Variants in SERPINB6 observed in about 807,000 individuals in gnomAD.
SERPINB6 encodes the protein serpin family B member 6, also known as serpin B6.
A neutral mutation model predicts 26.1 loss-of-function variants in SERPINB6; 16 were observed. That is an observed-to-expected ratio of 0.61 (90% CI 0.42 to 0.93). The LOEUF (loss-of-function observed/expected upper bound fraction) is 0.93, where lower values mean the gene tolerates loss of function less well. SERPINB6 is among the 40% of genes least tolerant of loss of function. SERPINB6 has a pLI of 0.00. For synonymous variants in SERPINB6, 174 were observed against 176.6 expected, an observed-to-expected ratio of 0.99 and a Z score of 0.11; for missense variants, 420 against 478.0, an observed-to-expected ratio of 0.88 and a Z score of 1.13.
intron 1 of SERPINB6, chr6:2,966,391 C>T: frequency 1.0e-6 from 1 of 987,144 alleles, no homozygotes; most frequent in Non-Finnish European, 1.2e-6. Context: ...TCCCTCCAAA[C>T]ACACTTACTT....
chr6:2,962,044 G>A (rs1232941482), intron 1 of SERPINB6: 1 of 985,238 alleles, frequency 1.0e-6, no homozygotes, highest in African/African-American at 1.7e-5. Context: ...TAATTCAAAT[G>A]GAAATGTCCA....
At chr6:2,970,871 T>C in intron 1 of SERPINB6, 4 of 1,231,326 alleles carry the variant, frequency 3.2e-6, no homozygotes, top group Non-Finnish European at 4.0e-6. Flanking sequence ...AGATCCGGGC[T>C]GGTCCACACG....
Position 2,953,078 on chromosome 6 carries a change from T to C in SERPINB6, c.539A>G (p.Glu180Gly). The C allele has an allele frequency of 2.5e-6, 4 of 1,614,258 alleles. No individual in the cohort carries two copies. Among genetic ancestry groups the C allele is most frequent in the Non-Finnish European group, 3.4e-6 (4 of 1,180,042 alleles). The change falls in exon 5 of 7, where the codon GAG becomes GGG. Residue 180 changes from glutamate to glycine, a missense_variant. Transcript: ENST00000380539. ...RGNWDEQFDKENTEERLFKVS... is the reference protein window; with the variant it reads ...RGNWDEQFDKGNTEERLFKVS... The stretch of plus-strand genomic sequence containing the variant: ...TTTAAACAGTCTCTCCTCGGTGTTC[T>C]CCTTGTCAAACTGTTCATCCCAGTT...
intron 1 of SERPINB6, among the ~76,000 whole-genome samples, chr6:2,965,400 T>C (rs1485591356): frequency 1.3e-5 from 2 of 151,474 alleles, no homozygotes; most frequent in Non-Finnish European, 2.9e-5. Flanking sequence ...ATGGCCAATT[T>C]ATAGTTTGGC....
At chr6:2,951,608 T>G (rs1769821326) in intron 5 of SERPINB6, among the ~76,000 whole-genome samples, 1 of 152,086 alleles carries the variant, frequency 6.6e-6, no homozygotes, top group African/African-American at 2.4e-5. Flanking sequence ...CACAATTATA[T>G]AGACAAGTTC....
chr6:2,965,182 T>C (rs1000002890), intron 1 of SERPINB6, among the ~76,000 whole-genome samples: 2 of 152,250 alleles, frequency 1.3e-5, no homozygotes, highest in Non-Finnish European at 2.9e-5. Flanking sequence ...CTTAGTTTTC[T>C]ATGTACTATG....
chr6:2,955,291 G>A (rs907795687), intron 3 of SERPINB6: 2 of 566,590 alleles, frequency 3.5e-6, no homozygotes, highest in Non-Finnish European at 6.3e-6. Flanking sequence ...TAAGGGAGCA[G>A]CCATGCATCA....
intron 5 of SERPINB6, among the ~76,000 whole-genome samples, chr6:2,949,688 G>C (rs1769560048): frequency 6.6e-6 from 1 of 152,216 alleles, no homozygotes; most frequent in Non-Finnish European, 1.5e-5. Context: ...ATATGATTGT[G>C]ATTGTTCCCA....
chr6:2,955,064 C>T, intron 3 of SERPINB6: 1 of 294,002 alleles, frequency 3.4e-6, no homozygotes, highest in Admixed American at 4.9e-5. Flanking sequence ...GTGGCATGCA[C>T]CTGTAATCCC....
chr6:2,970,668 G>A (rs933618346), intron 1 of SERPINB6: 2 of 1,189,756 alleles, frequency 1.7e-6, no homozygotes, highest in Non-Finnish European at 2.1e-6. Context: ...CTGACAGCAT[G>A]TGAACATTAA....
intron 1 of SERPINB6, chr6:2,971,280 G>T: frequency 2.8e-6 from 2 of 726,200 alleles, no homozygotes; most frequent in African/African-American, 1.9e-5. Flanking sequence ...CCGCTGCGAG[G>T]CTCCGGAAGG....
At chr6:2,950,287 T>C (rs1252663369) in intron 5 of SERPINB6, among the ~76,000 whole-genome samples, 1 of 151,914 alleles carries the variant, frequency 6.6e-6, no homozygotes, top group East Asian at 1.9e-4. Context: ...AATCCCACCA[T>C]TTTGGGAGGC....
chr6:2,955,380 A>T (rs1290374497), intron 3 of SERPINB6, 144 bp downstream of exon 3: 7 of 927,634 alleles, frequency 7.5e-6, no homozygotes, highest in Admixed American at 2.1e-5. Flanking sequence ...CAGAGAATTT[A>T]AAACATATTG....
In SERPINB6 at chr6:2,952,407, G is replaced by A. The variant is rs1769915728; in HGVS notation, c.573+637C>T. Among the ~76,000 whole-genome samples the A allele has an allele frequency of 2.6e-5, 4 of 152,156 alleles. No individual in the cohort carries two copies. In the South Asian group the frequency reaches 6.2e-4, roughly 24 times the overall value. On this transcript the variant is annotated intron_variant, in intron 5 of 6. Coordinates refer to ENST00000380539, the MANE Select transcript of SERPINB6 (RefSeq NM_004568.6). ...CTATAGTTAAAGAAAAACAAAACAA[G>A]AGACAATAAAGAAGATTCAGTGAGA...
At chr6:2,954,861 C>A in intron 3 of SERPINB6, 152 bp from the exon 4 acceptor site, 1 of 655,182 alleles carries the variant, frequency 1.5e-6, no homozygotes, top group Admixed American at 2.4e-5. Context: ...TAAACTACAA[C>A]TTCCTAGCTT....
At chr6:2,970,190 C>T in intron 1 of SERPINB6, 3 of 985,152 alleles carry the variant, frequency 3.0e-6, no homozygotes, top group Non-Finnish European at 3.6e-6. Flanking sequence ...CTTATTATTA[C>T]ATATGTGGAA....
intron 1 of SERPINB6, among the ~76,000 whole-genome samples, chr6:2,962,695 C>T (rs1025173990): frequency 5.3e-5 from 8 of 152,170 alleles, no homozygotes; most frequent in Non-Finnish European, 1.0e-4. Flanking sequence ...CTATGCCTTA[C>T]ATAAAAATTG....
chr6:2,951,351 A>G (rs1769769389), intron 5 of SERPINB6, among the ~76,000 whole-genome samples: 1 of 149,894 alleles, frequency 6.7e-6, no homozygotes, highest in Non-Finnish European at 1.5e-5. Flanking sequence ...GCACCACTGC[A>G]CTCCAGCCTG....
At chr6:2,961,643 C>T (rs1771114894) in intron 1 of SERPINB6, among the ~76,000 whole-genome samples, 1 of 152,212 alleles carries the variant, frequency 6.6e-6, no homozygotes, top group African/African-American at 2.4e-5. Flanking sequence ...GACTCAAAGC[C>T]AGCAGACACC....
Sources: gnomAD v4.1 joint callset for allele counts (sites outside exome capture counted in the v4.1 genomes callset) on GRCh38, gnomAD v4.1.1 for gene constraint, MANE v1.5 for transcripts, NCBI Gene and HGNC (gene_info 2026-07-23, HGNC 2026-07-21) for gene names.